ASAP2: variants seen among roughly 807,000 people sequenced by gnomAD.
ASAP2 encodes the protein ArfGAP with SH3 domain, ankyrin repeat and PH domain 2.
ASAP2 carries 45 observed loss-of-function variants against 131.4 expected under a neutral mutation model. The observed-to-expected ratio is 0.34, with a 90% CI of 0.27 to 0.44. The LOEUF (loss-of-function observed/expected upper bound fraction) is 0.44, where lower values mean the gene tolerates loss of function less well. ASAP2 is among the 20% of genes least tolerant of loss of function. The pLI, the probability that ASAP2 is intolerant of heterozygous loss-of-function variation, is 1.00. For missense variants in ASAP2, 1,011 were observed against 1,297.0 expected, an observed-to-expected ratio of 0.78 and a Z score of 3.39; for synonymous variants, 510 against 503.0, an observed-to-expected ratio of 1.01 and a Z score of -0.19.
At chr2:9,342,521 G>A (rs1436333091) in intron 9 of ASAP2, among the ~76,000 whole-genome samples, 1 of 152,192 alleles carries the variant, frequency 6.6e-6, no homozygotes, top group Non-Finnish European at 1.5e-5. Flanking sequence ...ATGAGTCAAA[G>A]AGCTAAATGA....
Position 9,358,840 on chromosome 2 carries a change from C to G in ASAP2, c.1412C>G (p.Ser471Cys). 4 of 1,613,388 alleles carry G rather than the reference C, an allele frequency of 2.5e-6. No homozygotes were observed. The highest frequency in any genetic ancestry group is 3.4e-6 in the Non-Finnish European group (4 of 1,179,828). Reference sequence around the variant, plus strand: ...CACCGAGAGCTGGGGGTTCATTATTCCAGGATGCAGTCCCTGACCTTAGAT... The same window carrying G: ...CACCGAGAGCTGGGGGTTCATTATTGCAGGATGCAGTCCCTGACCTTAGAT... Reference protein sequence around the residue: ...GIHRELGVHYSRMQSLTLDVL... With the variant: ...GIHRELGVHYCRMQSLTLDVL... Residue 471 changes from serine to cysteine, a missense_variant, in exon 15 of 28, where the codon TCC (serine) becomes TGC (cysteine). Ser to Cys is a moderately radical substitution (Grantham distance 112). This residue lies in a region of ASAP2 where 359 missense variants were observed against 598.1 expected (regional missense o/e 0.60). Coordinates refer to ENST00000281419, the MANE Select transcript of ASAP2 (RefSeq NM_003887.3).
At position 9,206,944 on chromosome 2, in the gene ASAP2, G is replaced by T. The variant is rs938985472; in HGVS notation, c.-161G>T. ...CGGGGCTGCGCGCCGCCCCTGCTCC[G>T]CCGCCAGGCCCCGCGCGGCTCCCGC... On this transcript the variant is annotated 5_prime_UTR_variant, in exon 1 of 28. Coordinates refer to ENST00000281419, the MANE Select transcript of ASAP2 (RefSeq NM_003887.3). This position sits in a 1 kb window ranked among gnomAD's most constrained non-coding sequence, Gnocchi z 4.0. 5.1e-5 allele frequency: 31 copies of T among 612,284 alleles called. No individual in the cohort carries two copies. The African/African-American group carries it at 5.4e-4, about 11-fold the overall frequency. The allele number at this position is 612,284 out of a possible 1,614,324, so 37.9% of individuals were successfully genotyped here.
chr2:9,230,334 T>C (rs28464564), intron 1 of ASAP2, among the ~76,000 whole-genome samples: 85,350 of 152,078 alleles, frequency 0.56, 25,518 homozygotes, highest in African/African-American at 0.78. Context: ...CCAGAGGGGC[T>C]GCGTGGGCCT....
At chr2:9,235,189 G>C (rs182359544) in intron 1 of ASAP2, among the ~76,000 whole-genome samples, 120 of 152,272 alleles carry the variant, frequency 7.9e-4, no homozygotes, top group Non-Finnish European at 1.6e-3. Context: ...AGAATTAATC[G>C]AGTTAGAGAT....
At position 9,238,693 on chromosome 2, in the gene ASAP2, T is replaced by C. The variant is rs1284166753; in HGVS notation, c.126+31463T>C. 2.0e-5 allele frequency among the ~76,000 whole-genome samples: 3 copies of C among 152,200 alleles called. No individual in the cohort carries two copies. In the South Asian group the frequency reaches 6.2e-4, roughly 32 times the overall value. On this transcript the variant is annotated intron_variant, in intron 1 of 27. Coordinates refer to ENST00000281419, the MANE Select transcript of ASAP2 (RefSeq NM_003887.3). ...GTTTCCCTTTTTGGCCAGTTTTTTTTTGGTGGCATAATTTACATACAATGA... is the reference window on the plus strand; with the variant it reads ...GTTTCCCTTTTTGGCCAGTTTTTTTCTGGTGGCATAATTTACATACAATGA...
At chr2:9,301,820 C>CTTTTTTTTTTTTTTTTTTTTTTTTTTT (rs1177064910) in intron 3 of ASAP2, among the ~76,000 whole-genome samples, 3 of 115,408 alleles carry the variant, frequency 2.6e-5, no homozygotes, top group African/African-American at 1.1e-4. Flanking sequence ...TATCCATCAT[C>CTTTTTTTTTTTTTTTTTTTTTTTTTTT]TTTTTTTTTT....
intron 9 of ASAP2, among the ~76,000 whole-genome samples, chr2:9,339,975 C>T (rs1671469135): frequency 6.6e-6 from 1 of 152,192 alleles, no homozygotes; most frequent in South Asian, 2.1e-4. Context: ...GGCCAACGAT[C>T]CTTACAAGCC....
intron 12 of ASAP2, among the ~76,000 whole-genome samples, chr2:9,354,586 G>A (rs974911696): frequency 2.0e-5 from 3 of 150,740 alleles, no homozygotes; most frequent in African/African-American, 7.4e-5. Flanking sequence ...GCAGCGAGCT[G>A]TGCACTGCAC....
chr2:9,322,970 AT>A, intron 5 of ASAP2, 150 bp from the exon 6 acceptor site: 1 of 886,436 alleles, frequency 1.1e-6, no homozygotes, highest in Admixed American at 2.6e-5. Flanking sequence ...GAGGACACCC[AT>A]TTTCCTTTTG....
At chr2:9,398,000 C>T (rs1431699765) in intron 24 of ASAP2, among the ~76,000 whole-genome samples, 30 of 151,148 alleles carry the variant, frequency 2.0e-4, no homozygotes, top group African/African-American at 6.3e-4. Flanking sequence ...CCTCATGATC[C>T]GCCCGCCTCG....
chr2:9,390,927 G>A (rs1675667847), intron 22 of ASAP2, 135 bp from the exon 23 acceptor site: 7 of 1,327,250 alleles, frequency 5.3e-6, no homozygotes, highest in Admixed American at 2.0e-5. Flanking sequence ...AGCATTGAGG[G>A]TTCTAGGTAG....
At chr2:9,249,796 G>C (rs1225801588) in intron 1 of ASAP2, among the ~76,000 whole-genome samples, 1 of 151,480 alleles carries the variant, frequency 6.6e-6, no homozygotes, top group Non-Finnish European at 1.5e-5. Flanking sequence ...GCCGTGTGGG[G>C]ATACTGCAGA....
intron 12 of ASAP2, among the ~76,000 whole-genome samples, chr2:9,354,658 AAAAG>A (rs1375853738): frequency 2.7e-4 from 41 of 151,912 alleles, no homozygotes. Flanking sequence ...AAAAAAAAAA[AAAAG>A]AAAAAGAAAA....
rs926998007 is a variant in ASAP2, at chr2:9,281,341, C to G, written c.199+1952C>G. Among the ~76,000 whole-genome samples, 1 of 152,182 alleles carries G rather than the reference C, an allele frequency of 6.6e-6. No individual in the cohort carries two copies. Among genetic ancestry groups the G allele is most frequent in the African/African-American group, 2.4e-5 (1 of 41,438 alleles). On this transcript the variant is annotated intron_variant, in intron 2 of 27. Transcript: ENST00000281419. This position sits in a 1 kb window ranked among gnomAD's most constrained non-coding sequence, Gnocchi z 4.0. Reference sequence around the variant, plus strand: ...TCGTCTGGAGGAGAGACTTGTGTGACTCCCAAGGCTGGCCCAGTGGCTGGC... The same window carrying G: ...TCGTCTGGAGGAGAGACTTGTGTGAGTCCCAAGGCTGGCCCAGTGGCTGGC...
Position 9,229,552 on chromosome 2 carries a change from G to A in ASAP2, c.126+22322G>A, listed in dbSNP as rs1049572999. Among the ~76,000 whole-genome samples, 11 of 152,216 alleles carry A rather than the reference G, an allele frequency of 7.2e-5. No homozygotes were observed. In the South Asian group the frequency reaches 1.2e-3, roughly 17 times the overall value. On this transcript the variant is annotated intron_variant, in intron 1 of 27. Coordinates refer to ENST00000281419, the MANE Select transcript of ASAP2 (RefSeq NM_003887.3). ...GCCCAGCATGTGTCTAGGGAGGAGC[G>A]GAGCGGTTGTGGCCAGCATTGAGCT...
At chr2:9,374,268 G>C (rs1259779265) in intron 16 of ASAP2, among the ~76,000 whole-genome samples, 1 of 152,244 alleles carries the variant, frequency 6.6e-6, no homozygotes, top group East Asian at 1.9e-4. Context: ...ACAAAAAAGA[G>C]GTCATAGTCC....
At chr2:9,359,155 A>G (rs375814958) in intron 15 of ASAP2, among the ~76,000 whole-genome samples, 1 of 152,232 alleles carries the variant, frequency 6.6e-6, no homozygotes, top group African/African-American at 2.4e-5. Flanking sequence ...TTCTACAGAA[A>G]TGGAGTAAGA....
chr2:9,342,782 G>T (rs1671675745), intron 9 of ASAP2, among the ~76,000 whole-genome samples: 2 of 152,116 alleles, frequency 1.3e-5, no homozygotes, highest in African/African-American at 4.8e-5. Flanking sequence ...TCCACCCCTG[G>T]GCCTTACTGC....
intron 3 of ASAP2, among the ~76,000 whole-genome samples, chr2:9,304,370 A>G (rs1258976153): frequency 6.6e-6 from 1 of 152,086 alleles, no homozygotes; most frequent in Non-Finnish European, 1.5e-5. Context: ...AGGTGACCTC[A>G]AACTTAGAAA....
Sources: gnomAD v4.1 joint callset for allele counts (sites outside exome capture counted in the v4.1 genomes callset) on GRCh38, gnomAD v4.1.1 for gene constraint, gnomAD v4.1.1 regional missense constraint, Gnocchi (gnomAD v3.1) non-coding constraint, MANE v1.5 for transcripts, NCBI Gene and HGNC (gene_info 2026-07-23, HGNC 2026-07-21) for gene names.